MYO7A: variants seen among roughly 807,000 people sequenced by gnomAD.
MYO7A encodes unconventional myosin-VIIa.
In MYO7A, 210 loss-of-function variants were observed where a neutral mutation model predicts 263.8. The observed-to-expected ratio is 0.80, with a 90% CI of 0.71 to 0.89. The LOEUF (loss-of-function observed/expected upper bound fraction) is 0.89, where lower values mean the gene tolerates loss of function less well. Among genes scored for constraint, MYO7A ranks in the 40% least tolerant of loss-of-function variants. The pLI is 0.00. For missense variants in MYO7A, 2,820 were observed against 2,968.3 expected, an observed-to-expected ratio of 0.95 and a Z score of 1.16; for synonymous variants, 1,239 against 1,197.3, an observed-to-expected ratio of 1.03 and a Z score of -0.72.
intron 15 of MYO7A, among the ~76,000 whole-genome samples, chr11:77,169,976 T>TGAGACAGGAGGCC (rs1393794103): frequency 6.6e-6 from 1 of 152,094 alleles, no homozygotes; most frequent in Non-Finnish European, 1.5e-5. Flanking sequence ...TTCAGGAGGC[T>TGAGACAGGAGGCC]GAGACAGGAG....
intron 23 of MYO7A, among the ~76,000 whole-genome samples, 169 bp downstream of exon 23, chr11:77,181,758 C>T (rs1398696565): frequency 6.7e-6 from 1 of 149,340 alleles, no homozygotes; most frequent in African/African-American, 2.5e-5. Flanking sequence ...TCTCCAACGC[C>T]CTTCTCAAGT....
intron 4 of MYO7A, among the ~76,000 whole-genome samples, chr11:77,155,621 T>C (rs1346100404): frequency 6.6e-6 from 1 of 152,216 alleles, no homozygotes; most frequent in African/African-American, 2.4e-5. Flanking sequence ...TCACAAACAG[T>C]TACGCTCATT....
chr11:77,155,792 C>T (rs1354205401), intron 4 of MYO7A, 115 bp from the exon 5 acceptor site: 2 of 1,218,790 alleles, frequency 1.6e-6, no homozygotes, highest in Non-Finnish European at 2.2e-6. Context: ...CCACATGACT[C>T]CAAAGCCAGG....
In MYO7A at chr11:77,183,109, C is replaced by T; in HGVS notation, c.3327C>T (p.His1109=). ...PEGQKKSSVR[H]KLVHLTLKKK... is the part of the protein sequence containing the mutation. ...GCCAGAAGAAGAGCAGTGTGAGGCACAAGCTGGTGCATTTGACTCTGAAAA... is the reference window on the plus strand; with the variant it reads ...GCCAGAAGAAGAGCAGTGTGAGGCATAAGCTGGTGCATTTGACTCTGAAAA... The change falls in exon 26 of 49, where the codon CAC becomes CAT. Residue 1109 remains histidine (H), a synonymous_variant. Transcript: ENST00000409709. The T allele has an allele frequency of 6.4e-7, 1 of 1,552,202 alleles. No homozygotes were observed. Among genetic ancestry groups the T allele is most frequent in the East Asian group, 2.4e-5 (1 of 40,980 alleles).
At chr11:77,189,832 G>T (rs1310208934) in intron 28 of MYO7A, among the ~76,000 whole-genome samples, 188 bp from the exon 29 acceptor site, 1 of 152,234 alleles carries the variant, frequency 6.6e-6, no homozygotes, top group Non-Finnish European at 1.5e-5. Context: ...ACTAGGCTAA[G>T]CTAGCGGGAG....
chr11:77,189,914 C>A, intron 28 of MYO7A, 106 bp from the exon 29 acceptor site: 8 of 1,432,818 alleles, frequency 5.6e-6, no homozygotes, highest in Non-Finnish European at 7.3e-6. Context: ...CAGAAAGCAA[C>A]CTGGCCTGGA....
At chr11:77,160,524 G>T (rs1952895930) in intron 11 of MYO7A, among the ~76,000 whole-genome samples, 1 of 152,184 alleles carries the variant, frequency 6.6e-6, no homozygotes. Flanking sequence ...GTTGTTCCCA[G>T]CCCAGGGATA....
intron 2 of MYO7A, among the ~76,000 whole-genome samples, chr11:77,136,155 C>A (rs1219535105): frequency 6.6e-6 from 1 of 152,170 alleles, no homozygotes; most frequent in Non-Finnish European, 1.5e-5. Context: ...GATAGTTATG[C>A]CAGATATAGA....
chr11:77,191,959 G>A (rs1278627156), intron 30 of MYO7A, 92 bp from the exon 31 acceptor site: 4 of 1,203,566 alleles, frequency 3.3e-6, no homozygotes, highest in Middle Eastern at 2.8e-4. Context: ...CTGGGCCTCC[G>A]TTTTCTGTCT....
At chr11:77,145,354 C>A (rs997942822) in intron 3 of MYO7A, among the ~76,000 whole-genome samples, 1 of 152,212 alleles carries the variant, frequency 6.6e-6, no homozygotes, top group Admixed American at 6.5e-5. Context: ...TTCTTACTCT[C>A]ATTCCCATTT....
In MYO7A at chr11:77,190,157, C is replaced by T; in HGVS notation, c.3750+18C>T. 1 of 1,543,992 alleles carries T rather than the reference C, an allele frequency of 6.5e-7. No individual in the cohort carries two copies. Among genetic ancestry groups the T allele is most frequent in the Admixed American group, 2.0e-5 (1 of 49,894 alleles). ...AGCTGCAGGTTCGTGCGTGTGTATG[C>T]ACGTGCTCGTGTGCATGTGTGCGCA... On this transcript the variant is annotated intron_variant, in intron 29 of 48. Transcript: ENST00000409709.
chr11:77,195,146 C>T (rs1470445310), intron 32 of MYO7A, among the ~76,000 whole-genome samples: 1 of 152,054 alleles, frequency 6.6e-6, no homozygotes, highest in Non-Finnish European at 1.5e-5. Flanking sequence ...CACCACAGAC[C>T]CGGATCTCAC....
chr11:77,204,307 T>C, intron 39 of MYO7A, 78 bp downstream of exon 39: 2 of 1,508,774 alleles, frequency 1.3e-6, no homozygotes, highest in Non-Finnish European at 1.8e-6. Flanking sequence ...CTGAGGCAGC[T>C]GCTGGCTCTG....
rs1458106660 is a variant in MYO7A, at chr11:77,163,008, G to C, written c.1690+20G>C. Reference sequence around the variant, plus strand: ...CCCAAGGTACAGAGGGCTGCCGGCTGTCTGTCACTCCCTGCCCGTGGCCCT... The same window carrying C: ...CCCAAGGTACAGAGGGCTGCCGGCTCTCTGTCACTCCCTGCCCGTGGCCCT... On this transcript the variant is annotated intron_variant, in intron 14 of 48. Coordinates refer to ENST00000409709, the MANE Select transcript of MYO7A (RefSeq NM_000260.4). The C allele has an allele frequency of 3.7e-6, 6 of 1,612,484 alleles. No individual in the cohort carries two copies. In the South Asian group the frequency reaches 4.4e-5, roughly 12 times the overall value.
At chr11:77,157,921 C>A (rs1555065091) in intron 8 of MYO7A, among the ~76,000 whole-genome samples, 2 of 152,154 alleles carry the variant, frequency 1.3e-5, no homozygotes, top group African/African-American at 4.8e-5. Context: ...GGGGTCGAGT[C>A]CCTGATAGTG....
chr11:77,210,019 C>A (rs1403983042), intron 44 of MYO7A, among the ~76,000 whole-genome samples: 2 of 152,252 alleles, frequency 1.3e-5, no homozygotes, highest in Non-Finnish European at 2.9e-5. Flanking sequence ...AGTTCCTTCC[C>A]TCACCTACTG....
intron 2 of MYO7A, among the ~76,000 whole-genome samples, chr11:77,130,993 C>G (rs1950748895): frequency 6.6e-6 from 1 of 152,228 alleles, no homozygotes; most frequent in Admixed American, 6.5e-5. Flanking sequence ...AAAGCCAGGC[C>G]AGGAAGGGCC....
chr11:77,166,013 C>A, intron 14 of MYO7A, 43 bp from the exon 15 acceptor site: 1 of 1,470,136 alleles, frequency 6.8e-7, no homozygotes, highest in Non-Finnish European at 9.5e-7. Context: ...TGGGGAGGGC[C>A]TGCCAGAGCT....
Position 77,214,977 on chromosome 11 carries a change from G to A in MYO7A, c.*281G>A, listed in dbSNP as rs1958057637. ...TTGTGAGAGCCTGTGATCCTTAGAT[G>A]TGTCTCCTGTTTCAGACCAGCCCCA... On this transcript the variant is annotated 3_prime_UTR_variant, in exon 49 of 49. Transcript: ENST00000409709. 4.8e-6 allele frequency: 2 copies of A among 415,612 alleles called. No individual in the cohort carries two copies. Among genetic ancestry groups the A allele is most frequent in the South Asian group, 7.5e-5 (2 of 26,544 alleles). The allele number at this position is 415,612 out of a possible 1,614,324, so 25.7% of individuals were successfully genotyped here.
Sources: gnomAD v4.1 joint callset for allele counts (sites outside exome capture counted in the v4.1 genomes callset) on GRCh38, gnomAD v4.1.1 for gene constraint, MANE v1.5 for transcripts, NCBI Gene and HGNC (gene_info 2026-07-23, HGNC 2026-07-21) for gene names.